Variants in CACNA2D4 observed in about 807,000 individuals in gnomAD.
CACNA2D4 encodes voltage-dependent calcium channel subunit alpha-2/delta-4.
In CACNA2D4, 157 loss-of-function variants were observed where a neutral mutation model predicts 163.8. That is an observed-to-expected ratio of 0.96 (90% CI 0.84 to 1.09). The LOEUF is 1.09. Among genes scored for constraint, CACNA2D4 ranks in the 50% least tolerant of loss-of-function variants. The pLI is 0.00. For missense variants in CACNA2D4, 1,410 were observed against 1,479.9 expected, an observed-to-expected ratio of 0.95 and a Z score of 0.78; for synonymous variants, 598 against 586.9, an observed-to-expected ratio of 1.02 and a Z score of -0.27.
In CACNA2D4 at chr12:1,833,950, C is replaced by T. The variant is rs80093051; in HGVS notation, c.2551+6789G>A. 0.12 allele frequency among the ~76,000 whole-genome samples: 17,505 copies of T among 152,184 alleles called. 1,349 individuals are homozygous for T. Among genetic ancestry groups the T allele is most frequent in the Non-Finnish European group, 0.17 (11,422 of 68,004 alleles). ...TTAGCACTGCCTTACTCTGTGGGTCCGTTTGGCCTGGGAGAGGACAGGCCG... is the reference window on the plus strand; with the variant it reads ...TTAGCACTGCCTTACTCTGTGGGTCTGTTTGGCCTGGGAGAGGACAGGCCG... On this transcript the variant is annotated intron_variant, in intron 26 of 37. Coordinates refer to ENST00000382722, the MANE Select transcript of CACNA2D4 (RefSeq NM_172364.5). This position sits in a 1 kb window ranked among gnomAD's most constrained non-coding sequence, Gnocchi z 4.2.
intron 26 of CACNA2D4, among the ~76,000 whole-genome samples, chr12:1,815,042 A>G (rs1471065697): frequency 6.6e-6 from 1 of 152,160 alleles, no homozygotes; most frequent in Non-Finnish European, 1.5e-5. Context: ...GGCGCGTGTG[A>G]TACCATGCAT....
intron 18 of CACNA2D4, among the ~76,000 whole-genome samples, chr12:1,871,658 G>A (rs1219229917): frequency 6.6e-6 from 1 of 152,064 alleles, no homozygotes; most frequent in African/African-American, 2.4e-5. Context: ...GTGTACACGT[G>A]TGTGCTGCTG....
rs1190387005 is a variant in CACNA2D4, at chr12:1,799,310, G to A, written c.2995+365C>T. 3.3e-5 allele frequency among the ~76,000 whole-genome samples: 5 copies of A among 152,194 alleles called. No individual in the cohort carries two copies. Among genetic ancestry groups the A allele is most frequent in the East Asian group, 3.9e-4 (2 of 5,182 alleles). On this transcript the variant is annotated intron_variant, in intron 34 of 37. Transcript: ENST00000382722. The surrounding 1 kb of genome is among the most constrained non-coding windows in gnomAD (Gnocchi z 4.7). ...GAGCTTCCTGGGGCCCCTGGAACCC[G>A]GAGTCCCGCTGAGGGCTGGGGTGCC...
chr12:1,888,476 A>C (rs1462485964), intron 6 of CACNA2D4, among the ~76,000 whole-genome samples: 1 of 152,234 alleles, frequency 6.6e-6, no homozygotes, highest in Admixed American at 6.5e-5. Context: ...CAAGAGCTGG[A>C]TATAGCTTCT....
intron 35 of CACNA2D4, among the ~76,000 whole-genome samples, chr12:1,796,769 C>T (rs905115005): frequency 6.6e-6 from 1 of 152,188 alleles, no homozygotes; most frequent in Non-Finnish European, 1.5e-5. Context: ...GCTGAGGCGA[C>T]CCTCGAGGAG....
chr12:1,884,226 G>T lies in CACNA2D4; in HGVS notation c.1351+17C>A. The T allele has an allele frequency of 6.2e-7, 1 of 1,608,464 alleles. No individual in the cohort carries two copies. The highest frequency in any genetic ancestry group is 8.5e-7 in the Non-Finnish European group (1 of 1,177,380). The stretch of plus-strand genomic sequence containing the variant: ...CTCAGGTGCAGGTGGGAAGGTACCT[G>T]CTGGCCCGGCACTCACCTTTGTTGT... On this transcript the variant is annotated intron_variant, in intron 12 of 37. Transcript: ENST00000382722.
chr12:1,904,762 T>C (rs2887632), intron 6 of CACNA2D4, among the ~76,000 whole-genome samples: 9,954 of 151,828 alleles, frequency 0.066, 794 homozygotes, highest in East Asian at 0.42. Context: ...TAAAAGGAAA[T>C]GAGAAAGAAA....
Position 1,806,102 on chromosome 12 carries a change from G to C in CACNA2D4, c.2721+4176C>G, listed in dbSNP as rs1001752888. On this transcript the variant is annotated intron_variant, in intron 29 of 37. Transcript: ENST00000382722. This position sits in a 1 kb window ranked among gnomAD's most constrained non-coding sequence, Gnocchi z 4.1. ...GGGAAAGGTGCTGGGATGGGGCCTC[G>C]GATTTTCTAGGCTGCAGTTGCTGCC... 6.6e-6 allele frequency among the ~76,000 whole-genome samples: 1 copy of C among 152,178 alleles called. No individual in the cohort carries two copies. Among genetic ancestry groups the C allele is most frequent in the African/African-American group, 2.4e-5 (1 of 41,442 alleles).
intron 6 of CACNA2D4, among the ~76,000 whole-genome samples, chr12:1,906,957 A>G (rs1386576842): frequency 6.6e-6 from 1 of 152,250 alleles, no homozygotes; most frequent in Non-Finnish European, 1.5e-5. Context: ...AATCAAAAAG[A>G]GGTAGAACTC....
chr12:1,795,982 C>T (rs1002158246), intron 35 of CACNA2D4: 7 of 591,722 alleles, frequency 1.2e-5, no homozygotes, highest in African/African-American at 1.1e-4. Flanking sequence ...GCCTTTGCTG[C>T]TGCATTTCCT....
At chr12:1,823,954 G>A (rs531520829) in intron 26 of CACNA2D4, among the ~76,000 whole-genome samples, 83 of 152,324 alleles carry the variant, frequency 5.4e-4, no homozygotes, top group African/African-American at 1.9e-3. Flanking sequence ...CAGAGAGCTC[G>A]GGCTCAGAGC....
chr12:1,800,147 C>T (rs1042482457), intron 32 of CACNA2D4, 95 bp from the exon 33 acceptor site: 5 of 1,260,842 alleles, frequency 4.0e-6, no homozygotes, highest in Non-Finnish European at 4.5e-6. Context: ...CCGGCCCATC[C>T]CCTCTCCTCC....
chr12:1,809,164 C>T (rs562707214), intron 29 of CACNA2D4, among the ~76,000 whole-genome samples: 180 of 152,336 alleles, frequency 1.2e-3, no homozygotes, highest in African/African-American at 4.2e-3. Context: ...AGTCTCCTTC[C>T]GACATCCCTG....
At position 1,884,279 on chromosome 12, in the gene CACNA2D4, CAA is replaced by C. The variant is rs749193091; in HGVS notation, c.1313_1314del (p.Phe438CysfsTer2). The C allele has an allele frequency of 6.2e-7, 1 of 1,612,612 alleles. No homozygotes were observed. ...CATGCAATCCACTTCATGCGGTCAG[CAA>C]AAGACACTTCTCTCCCAATGAGGTA... is the stretch of plus-strand genomic sequence containing the variant. ...FTYLIGREVS[F>X]ADRMKWIACN... On this transcript the variant is annotated frameshift_variant, in exon 12 of 38. Coordinates refer to ENST00000382722, the MANE Select transcript of CACNA2D4 (RefSeq NM_172364.5). LOFTEE classifies it high-confidence loss of function.
intron 26 of CACNA2D4, 111 bp downstream of exon 26, chr12:1,840,628 G>A (rs546096128): frequency 6.2e-5 from 50 of 803,762 alleles, no homozygotes; most frequent in African/African-American, 3.0e-4. Flanking sequence ...ACATTCCACC[G>A]GCAGGACTGT....
At chr12:1,827,958 T>G (rs886946) in intron 26 of CACNA2D4, 102 of 421,600 alleles carry the variant, frequency 2.4e-4, no homozygotes, top group African/African-American at 1.6e-3. Flanking sequence ...GAATCATAAC[T>G]GAGAGGAACA....
intron 26 of CACNA2D4, among the ~76,000 whole-genome samples, chr12:1,816,062 G>C (rs1280324031): frequency 6.6e-6 from 1 of 152,138 alleles, no homozygotes; most frequent in Non-Finnish European, 1.5e-5. Context: ...CACAACCCAA[G>C]TTGTGCTTTT....
chr12:1,800,906 A>T lies in CACNA2D4; in HGVS notation c.2868+137T>A, dbSNP rs995999363. On this transcript the variant is annotated intron_variant, in intron 31 of 37. Transcript: ENST00000382722. The stretch of plus-strand genomic sequence containing the variant: ...GACTGAGAGCAGTGGCTCTGAGCAG[A>T]AGATGGAGATGGTCAAGGTAGGGCC... 9.4e-6 allele frequency: 7 copies of T among 742,624 alleles called. No individual in the cohort carries two copies. In the African/African-American group the frequency reaches 1.0e-4, roughly 11 times the overall value. 46.0% of individuals were successfully genotyped at this position (742,624 alleles called of 1,614,324 possible).
In CACNA2D4 at chr12:1,809,331, C is replaced by T. The variant is rs980543908; in HGVS notation, c.2721+947G>A. ...ACTTAGAGCCCTCAGCTGGGGCTGGCTTAGACACTGTGTAGTCCAGCCCCC... is the reference window on the plus strand; with the variant it reads ...ACTTAGAGCCCTCAGCTGGGGCTGGTTTAGACACTGTGTAGTCCAGCCCCC... On this transcript the variant is annotated intron_variant, in intron 29 of 37. Transcript: ENST00000382722. 8 of 587,358 alleles carry T rather than the reference C, an allele frequency of 1.4e-5. No individual in the cohort carries two copies. In the Admixed American group the frequency reaches 1.9e-4, roughly 14 times the overall value. The allele number at this position is 587,358 out of a possible 1,614,324, so 36.4% of individuals were successfully genotyped here.
Sources: allele counts gnomAD v4.1 joint callset (sites outside exome capture counted in the v4.1 genomes callset), GRCh38; gene constraint gnomAD v4.1.1; non-coding constraint Gnocchi (gnomAD v3.1); transcripts MANE v1.5; gene names NCBI Gene and HGNC (gene_info 2026-07-23, HGNC 2026-07-21).